Variants in TYRO3 observed in about 807,000 individuals in gnomAD.
The protein encoded by TYRO3 is tyrosine-protein kinase receptor TYRO3.
Under a neutral mutation model 95.2 loss-of-function variants are expected in TYRO3, and 38 were observed. That is an observed-to-expected ratio of 0.40 (90% CI 0.31 to 0.52). The LOEUF is 0.52. Ranked by LOEUF, TYRO3 falls within the 20% of genes least tolerant of loss-of-function variation. TYRO3 has a pLI of 0.56. For synonymous variants in TYRO3, 367 were observed against 432.9 expected, an observed-to-expected ratio of 0.85 and a Z score of 1.89; for missense variants, 812 against 1,116.4, an observed-to-expected ratio of 0.73 and a Z score of 3.89.
chr15:41,574,958 A>G (rs1206116377), intron 18 of TYRO3, among the ~76,000 whole-genome samples: 1 of 152,186 alleles, frequency 6.6e-6, no homozygotes, highest in East Asian at 1.9e-4. Flanking sequence ...GGCTCAAGGG[A>G]TCCATCTGCC....
intron 18 of TYRO3, among the ~76,000 whole-genome samples, chr15:41,577,143 C>T (rs759058363): frequency 1.1e-4 from 16 of 152,054 alleles, no homozygotes; most frequent in Non-Finnish European, 2.9e-5. Context: ...TCTATTTGAT[C>T]ATTGCTTTCA....
chr15:41,562,489 T>C, intron 3 of TYRO3, 59 bp from the exon 4 acceptor site: 1 of 1,459,020 alleles, frequency 6.9e-7, no homozygotes, highest in Non-Finnish European at 9.3e-7. Flanking sequence ...GACTTGTGAT[T>C]TGTACAGTAG....
At position 41,565,105 on chromosome 15, in the gene TYRO3, T is replaced by C. The variant is rs2277536; in HGVS notation, c.747T>C (p.Ala249=). 439,356 of 1,594,920 alleles carry C rather than the reference T, an allele frequency of 0.28. 48,401 individuals carry two copies. The highest frequency in any genetic ancestry group is 0.38 in the Admixed American group (22,728 of 59,800). The change falls in exon 6 of 19, where the codon GCT becomes GCC. Residue 249 remains alanine, a synonymous_variant. Transcript: ENST00000263798. ...SNASVAWMPG[A]DGRALLQSCT... is the part of the protein sequence containing the mutation. The stretch of plus-strand genomic sequence containing the variant: ...CTAGTGTGGCCTGGATGCCAGGTGC[T>C]GATGGCCGAGCTCTGCTACAGTCCT...
chr15:41,573,211 G>C (rs1420475288), intron 16 of TYRO3, 97 bp from the exon 17 acceptor site: 1 of 1,408,458 alleles, frequency 7.1e-7, no homozygotes. Context: ...TGCTATGCAT[G>C]GGGGTAGCTT....
chr15:41,570,192 A>G, intron 10 of TYRO3, 36 bp downstream of exon 10: 1 of 987,312 alleles, frequency 1.0e-6, no homozygotes, highest in Non-Finnish European at 1.5e-6. Flanking sequence ...GAGGCAGGTA[A>G]TGATGAAAGA....
chr15:41,569,297 T>TACAA (rs2055765363), intron 9 of TYRO3, among the ~76,000 whole-genome samples: 1 of 138,560 alleles, frequency 7.2e-6, no homozygotes, highest in Non-Finnish European at 1.6e-5. Context: ...ACAAAAAAAT[T>TACAA]AAAAAAAAAA....
At chr15:41,569,168 A>C in intron 9 of TYRO3, 146 bp downstream of exon 9, 1 of 1,003,454 alleles carries the variant, frequency 1.0e-6, no homozygotes, top group Non-Finnish European at 1.4e-6. Context: ...GGCTGTTTAA[A>C]CTATCTTGGC....
chr15:41,568,462 G>A, intron 8 of TYRO3, 100 bp downstream of exon 8: 1 of 1,268,654 alleles, frequency 7.9e-7, no homozygotes. Context: ...TGGTGGGCCT[G>A]GGTCTCCCGC....
At chr15:41,563,675 A>C (rs543715739) in intron 4 of TYRO3, among the ~76,000 whole-genome samples, 1 of 152,332 alleles carries the variant, frequency 6.6e-6, no homozygotes, top group African/African-American at 2.4e-5. Context: ...CACAGGGGAC[A>C]GAGGGAATAC....
At chr15:41,560,393 ATGTG>A (rs369495054) in intron 1 of TYRO3, among the ~76,000 whole-genome samples, 4,472 of 120,436 alleles carry the variant, frequency 0.037, 240 homozygotes, top group African/African-American at 0.12. Context: ...AGGTGCGTGT[ATGTG>A]TGTGTGTGTG....
chr15:41,572,555 G>A lies in TYRO3; in HGVS notation c.1866G>A (p.Glu622=). The A allele has an allele frequency of 1.2e-6, 2 of 1,614,200 alleles. No homozygotes were observed. Reference sequence around the variant, plus strand: ...TCCTGCTCGCCTCCCGGATTGGGGAGAACCCCTTTGTGAGTACCTGGTGTG... The same window carrying A: ...TCCTGCTCGCCTCCCGGATTGGGGAAAACCCCTTTGTGAGTACCTGGTGTG... ...HAFLLASRIG[E]NPFNLPLQTL... The change falls in exon 15 of 19, where the codon GAG becomes GAA. Residue 622 remains glutamate (E), a synonymous_variant. Coordinates refer to ENST00000263798, the MANE Select transcript of TYRO3 (RefSeq NM_006293.4).
chr15:41,581,059 C>T lies in TYRO3; in HGVS notation c.*2783C>T, dbSNP rs1007685782. ...AAAAAAGTTTAGCCAGGCTTGGTGG[C>T]GCAGGTTTGTCATCTCAGCTACTGG... On this transcript the variant is annotated 3_prime_UTR_variant, in exon 19 of 19. Coordinates refer to ENST00000263798, the MANE Select transcript of TYRO3 (RefSeq NM_006293.4). The T allele has an allele frequency of 4.6e-5, 7 of 153,178 alleles. No homozygotes were observed. Among genetic ancestry groups the T allele is most frequent in the Admixed American group, 3.3e-4 (5 of 15,258 alleles). The allele number at this position is 153,178 out of a possible 1,614,324, so 9.5% of individuals were successfully genotyped here.
Position 41,573,021 on chromosome 15 carries a change from T to G in TYRO3, c.1895T>G (p.Leu632Arg), listed in dbSNP as rs1566903158. 6.2e-7 allele frequency: 1 copy of G among 1,614,166 alleles called. No individual in the cohort carries two copies. The highest frequency in any genetic ancestry group is 8.5e-7 in the Non-Finnish European group (1 of 1,180,012). ...CACTAGAACCTACCCCTCCAGACCC[T>G]GATCCGGTTCATGGTGGACATTGCC... is the stretch of plus-strand genomic sequence containing the variant. ...ENPFNLPLQT[L>R]IRFMVDIACG... The change falls in exon 16 of 19, where the codon CTG becomes CGG. Residue 632 changes from leucine to arginine, a missense_variant. Coordinates refer to ENST00000263798, the MANE Select transcript of TYRO3 (RefSeq NM_006293.4).
chr15:41,572,572 C>T lies in TYRO3; in HGVS notation c.1875+8C>T. The stretch of plus-strand genomic sequence containing the variant: ...ATTGGGGAGAACCCCTTTGTGAGTA[C>T]CTGGTGTGGGGGTGGCCAGGAGGAA... On this transcript the variant is annotated splice_region_variant and intron_variant, in intron 15 of 18. Coordinates refer to ENST00000263798, the MANE Select transcript of TYRO3 (RefSeq NM_006293.4). 2 of 1,614,082 alleles carry T rather than the reference C, an allele frequency of 1.2e-6. No individual in the cohort carries two copies. Among genetic ancestry groups the T allele is most frequent in the Non-Finnish European group, 1.7e-6 (2 of 1,180,026 alleles).
At chr15:41,561,801 T>A in intron 3 of TYRO3, 162 bp downstream of exon 3, 1 of 524,014 alleles carries the variant, frequency 1.9e-6, no homozygotes, top group Non-Finnish European at 3.4e-6. Flanking sequence ...CGGAAGACCC[T>A]ACCAGTTGGA....
In TYRO3 at chr15:41,579,904, C is replaced by A. The variant is rs1279675633; in HGVS notation, c.*1628C>A. Reference sequence around the variant, plus strand: ...TCCCGAGTAGCTGGGACTACAGGTGCCTGCCACCACGCCCGGCTAATTTTT... The same window carrying A: ...TCCCGAGTAGCTGGGACTACAGGTGACTGCCACCACGCCCGGCTAATTTTT... On this transcript the variant is annotated 3_prime_UTR_variant, in exon 19 of 19. Transcript: ENST00000263798. 6.6e-6 allele frequency: 1 copy of A among 151,750 alleles called. No homozygotes were observed. The highest frequency in any genetic ancestry group is 1.5e-5 in the Non-Finnish European group (1 of 67,974). The allele number at this position is 151,750 out of a possible 1,614,324, so 9.4% of individuals were successfully genotyped here.
chr15:41,571,725 G>A lies in TYRO3; in HGVS notation c.1753+38G>A, dbSNP rs758953149. The A allele has an allele frequency of 1.2e-5, 11 of 914,332 alleles. No individual in the cohort carries two copies. The Admixed American group carries it at 1.4e-4, about 11-fold the overall frequency. 56.6% of individuals were successfully genotyped at this position (914,332 alleles called of 1,614,324 possible). A position where few individuals can be genotyped will look rare whatever the true frequency, so the allele number is the denominator to read the frequency against. On this transcript the variant is annotated intron_variant, in intron 14 of 18. Transcript: ENST00000263798. Reference sequence around the variant, plus strand: ...TTGGGGGAGGCAGATAGAGAATAGGGCTAAAAATATGCTCTACCAATATGA... The same window carrying A: ...TTGGGGGAGGCAGATAGAGAATAGGACTAAAAATATGCTCTACCAATATGA...
Position 41,573,767 on chromosome 15 carries a change from T to G in TYRO3, c.2234T>G (p.Leu745Arg). Residue 745 changes from leucine to arginine, a missense_variant, in exon 18 of 19, where the codon CTC becomes CGC. Coordinates refer to ENST00000263798, the MANE Select transcript of TYRO3 (RefSeq NM_006293.4). ...GAAAACGCTGAGATTTACAACTACC[T>G]CATTGGCGGGAACCGCCTGAAACAG... ...GIENAEIYNY[L>R]IGGNRLKQPP... The G allele has an allele frequency of 1.2e-6, 2 of 1,614,224 alleles. No homozygotes were observed. Among genetic ancestry groups the G allele is most frequent in the Non-Finnish European group, 1.7e-6 (2 of 1,180,052 alleles).
Position 41,573,741 on chromosome 15 carries a change from C to T in TYRO3, c.2208C>T (p.Ile736=), listed in dbSNP as rs200543540. ...MTRGQTPYAG[I]ENAEIYNYLI... ...GTGGGCAGACGCCATATGCTGGCATCGAAAACGCTGAGATTTACAACTACC... is the reference window on the plus strand; with the variant it reads ...GTGGGCAGACGCCATATGCTGGCATTGAAAACGCTGAGATTTACAACTACC... Residue 736 remains isoleucine (I), a synonymous_variant, in exon 18 of 19, where the codon ATC becomes ATT. Transcript: ENST00000263798. The T allele has an allele frequency of 3.1e-6, 5 of 1,614,260 alleles. No individual in the cohort carries two copies. Among genetic ancestry groups the T allele is most frequent in the African/African-American group, 1.3e-5 (1 of 75,072 alleles).
Sources: allele counts gnomAD v4.1 joint callset (sites outside exome capture counted in the v4.1 genomes callset), GRCh38; gene constraint gnomAD v4.1.1; transcripts MANE v1.5; gene names NCBI Gene and HGNC (gene_info 2026-07-23, HGNC 2026-07-21).